OR1L8: variants seen among roughly 807,000 people sequenced by gnomAD.
OR1L8 encodes olfactory receptor family 1 subfamily L member 8.
For missense variants in OR1L8, 330 were observed against 377.4 expected (o/e 0.87, Z 1.04); for synonymous variants, 148 against 147.0 (o/e 1.01, Z -0.05).
At chr9:122,561,974 C>G in the OR1L8 span, among the ~76,000 whole-genome samples, 12 of 152,180 alleles carry the variant, frequency 7.9e-5, no homozygotes, top group African/African-American at 2.4e-4. Flanking sequence ...AGACTATGGC[C>G]ACCCCTTCTA....
intron 1 of OR1L8, among the ~76,000 whole-genome samples, chr9:122,579,848 C>T (rs1435040524): frequency 6.6e-6 from 1 of 152,068 alleles, no homozygotes; most frequent in African/African-American, 2.4e-5. Context: ...CTTACAAAGT[C>T]ATTGGAAATG....
chr9:122,573,557 T>C (rs887888862), intron 3 of OR1L8, among the ~76,000 whole-genome samples: 1 of 152,212 alleles, frequency 6.6e-6, no homozygotes, highest in Non-Finnish European at 1.5e-5. Context: ...GCTGAGTGTC[T>C]GTTAAGACCT....
In OR1L8 at chr9:122,568,114, C is replaced by T. The variant is rs753553106; in HGVS notation, c.364G>A (p.Asp122Asn). ...DSCLLAVMAF[D>N]RYVAVCDPFH... Reference sequence around the variant, plus strand: ...GGGTCACAGACGGCCACATAGCGGTCAAAGGCCATGACTGCCAGAAGGCAG... The same window carrying T: ...GGGTCACAGACGGCCACATAGCGGTTAAAGGCCATGACTGCCAGAAGGCAG... Residue 122 changes from aspartate (D) to asparagine (N), a missense_variant, in exon 5 of 5, where the codon GAC becomes AAC. Coordinates refer to ENST00000641027, the MANE Select transcript of OR1L8 (RefSeq NM_001004454.2). 2 of 1,613,964 alleles carry T rather than the reference C, an allele frequency of 1.2e-6. No individual in the cohort carries two copies. The highest frequency in any genetic ancestry group is 1.7e-6 in the Non-Finnish European group (2 of 1,179,968).
intron 1 of OR1L8, among the ~76,000 whole-genome samples, chr9:122,581,319 T>C (rs1014700448): frequency 1.3e-5 from 2 of 151,996 alleles, no homozygotes; most frequent in Non-Finnish European, 2.9e-5. Context: ...TGAGCCGAGA[T>C]GGCGCCACTG....
At chr9:122,553,200 G>T in the OR1L8 span, 1 of 1,612,348 alleles carries the variant, frequency 6.2e-7, no homozygotes, top group Non-Finnish European at 8.5e-7. Flanking sequence ...CAGATCACAC[G>T]AACTACAAGG....
chr9:122,554,288 TAAA>T, the OR1L8 span: 1,065 of 545,228 alleles, frequency 2.0e-3, no homozygotes, highest in South Asian at 3.4e-3. Context: ...GTTAGGGATG[TAAA>T]AAAAAAAAAA....
chr9:122,560,731 C>A, the OR1L8 span, among the ~76,000 whole-genome samples: 1 of 152,136 alleles, frequency 6.6e-6, no homozygotes, highest in Non-Finnish European at 1.5e-5. Flanking sequence ...TGTAGGTGAC[C>A]AAGCCTTTCT....
At chr9:122,575,137 G>C (rs982295846) in intron 3 of OR1L8, among the ~76,000 whole-genome samples, 1 of 152,048 alleles carries the variant, frequency 6.6e-6, no homozygotes, top group African/African-American at 2.4e-5. Context: ...ATGTTTATGA[G>C]AGATACAGGT....
downstream of OR1L8, among the ~76,000 whole-genome samples, chr9:122,562,204 G>A (rs1203843230): frequency 6.6e-6 from 1 of 152,244 alleles, no homozygotes; most frequent in East Asian, 1.9e-4. Context: ...ATAGTGACCT[G>A]GAGCTATAGA....
chr9:122,549,154 G>A, the OR1L8 span, among the ~76,000 whole-genome samples: 20 of 152,068 alleles, frequency 1.3e-4, no homozygotes, highest in East Asian at 7.8e-4. Flanking sequence ...TCATGAGGGC[G>A]GATCCCTCAT....
the OR1L8 span, among the ~76,000 whole-genome samples, chr9:122,552,328 G>A: frequency 6.6e-6 from 1 of 152,156 alleles, no homozygotes; most frequent in East Asian, 1.9e-4. Context: ...AAACCAAAAA[G>A]TCAGGGCGAT....
chr9:122,574,031 T>C (rs1292797803), intron 3 of OR1L8, among the ~76,000 whole-genome samples: 1 of 152,206 alleles, frequency 6.6e-6, no homozygotes, highest in Non-Finnish European at 1.5e-5. Context: ...TCAAAGATAG[T>C]TGCGTGGGTC....
At chr9:122,575,836 A>G (rs1829644655) in intron 3 of OR1L8, among the ~76,000 whole-genome samples, 1 of 152,160 alleles carries the variant, frequency 6.6e-6, no homozygotes, top group South Asian at 2.1e-4. Context: ...TGTACATTAG[A>G]TCTCTAGACT....
the OR1L8 span, among the ~76,000 whole-genome samples, chr9:122,561,523 G>T: frequency 1.3e-5 from 2 of 152,100 alleles, no homozygotes; most frequent in Non-Finnish European, 2.9e-5. Context: ...TGAGGTTTTT[G>T]TGGGGACGTT....
intron 4 of OR1L8, among the ~76,000 whole-genome samples, chr9:122,569,764 T>G (rs1488610179): frequency 3.3e-5 from 5 of 152,194 alleles, no homozygotes; most frequent in African/African-American, 7.2e-5. Context: ...GTGCCATGCT[T>G]GTGTGCTGCA....
chr9:122,574,527 G>A (rs1006101928), intron 3 of OR1L8, among the ~76,000 whole-genome samples: 2 of 152,040 alleles, frequency 1.3e-5, no homozygotes, highest in Admixed American at 6.5e-5. Flanking sequence ...AATGGCTTTT[G>A]TATATTAATC....
the OR1L8 span, among the ~76,000 whole-genome samples, chr9:122,549,267 T>C: frequency 6.6e-6 from 1 of 152,162 alleles, no homozygotes; most frequent in South Asian, 2.1e-4. Flanking sequence ...TATGATATGC[T>C]GGCTCCCCTT....
At chr9:122,569,822 C>A (rs1017009402) in intron 4 of OR1L8, among the ~76,000 whole-genome samples, 6 of 151,962 alleles carry the variant, frequency 3.9e-5, no homozygotes, top group Admixed American at 1.3e-4. Context: ...AAAGCTATCC[C>A]TCCCCCCTGC....
the OR1L8 span, among the ~76,000 whole-genome samples, chr9:122,549,941 G>A: frequency 6.6e-6 from 1 of 152,026 alleles, no homozygotes; most frequent in Admixed American, 6.6e-5. Flanking sequence ...TCTATAGATT[G>A]CTTTGGGCAG....
Sources: allele counts gnomAD v4.1 joint callset (sites outside exome capture counted in the v4.1 genomes callset), GRCh38; gene constraint gnomAD v4.1.1; transcripts MANE v1.5; gene names NCBI Gene and HGNC (gene_info 2026-07-23, HGNC 2026-07-21).